Variants in KIAA0586 observed in about 807,000 individuals in gnomAD.
KIAA0586 encodes the protein protein TALPID3.
A neutral mutation model predicts 169.8 loss-of-function variants in KIAA0586; 144 were observed. The observed-to-expected ratio is 0.85, with a 90% CI of 0.74 to 0.97. The LOEUF (loss-of-function observed/expected upper bound fraction) is 0.97, where lower values mean the gene tolerates loss of function less well. Among genes scored for constraint, KIAA0586 ranks in the 50% least tolerant of loss-of-function variants. The pLI, the probability that KIAA0586 is intolerant of heterozygous loss-of-function variation, is 0.00. For missense variants in KIAA0586, 1,854 were observed against 1,823.0 expected, an observed-to-expected ratio of 1.02 and a Z score of -0.31; for synonymous variants, 625 against 612.4, an observed-to-expected ratio of 1.02 and a Z score of -0.30.
intron 5 of KIAA0586, 41 bp from the exon 6 acceptor site, chr14:58,443,913 T>C: frequency 8.4e-7 from 1 of 1,184,872 alleles, no homozygotes; most frequent in Non-Finnish European, 1.2e-6. Flanking sequence ...ATTTTTGGTA[T>C]CCTATAATGT....
intron 9 of KIAA0586, among the ~76,000 whole-genome samples, chr14:58,456,268 A>C (rs142934539): frequency 4.5e-4 from 69 of 152,214 alleles, no homozygotes; most frequent in African/African-American, 1.6e-3. Flanking sequence ...AGAGTCAGCC[A>C]TTTTTCTTGA....
Position 58,468,190 on chromosome 14 carries a change from C to T in KIAA0586, c.2442+268C>T, listed in dbSNP as rs374263642. 6.6e-5 allele frequency among the ~76,000 whole-genome samples: 10 copies of T among 152,174 alleles called. 1 individual carries two copies. Among genetic ancestry groups the T allele is most frequent in the African/African-American group, 9.6e-5 (4 of 41,524 alleles). On this transcript the variant is annotated intron_variant, in intron 16 of 30. Coordinates refer to ENST00000652326, the MANE Select transcript of KIAA0586 (RefSeq NM_001329943.3). ...CCTCCTGAGTAGCTGGGATTACAGGCGCCCGCCACCATGCCCAGCTAATTT... is the reference window on the plus strand; with the variant it reads ...CCTCCTGAGTAGCTGGGATTACAGGTGCCCGCCACCATGCCCAGCTAATTT...
intron 29 of KIAA0586, among the ~76,000 whole-genome samples, chr14:58,535,718 G>A (rs201926153): frequency 7.2e-6 from 1 of 138,610 alleles, no homozygotes; most frequent in Non-Finnish European, 1.6e-5. Context: ...TTTTTTTTTA[G>A]TGAACTCAAA....
chr14:58,553,653 T>G (rs966075314), downstream of KIAA0586, among the ~76,000 whole-genome samples: 1 of 152,040 alleles, frequency 6.6e-6, no homozygotes, highest in Non-Finnish European at 1.5e-5. Context: ...GGCTTGTTGG[T>G]TAGCCTCAAC....
At chr14:58,499,236 T>C (rs538000833) in intron 27 of KIAA0586, among the ~76,000 whole-genome samples, 3 of 152,262 alleles carry the variant, frequency 2.0e-5, no homozygotes, top group Admixed American at 6.5e-5. Context: ...TTAACTGTGA[T>C]ACTTTTATTT....
chr14:58,468,869 G>T (rs538629580), intron 16 of KIAA0586, among the ~76,000 whole-genome samples: 3 of 152,272 alleles, frequency 2.0e-5, no homozygotes, highest in South Asian at 2.1e-4. Flanking sequence ...CTGCTCCAAG[G>T]TTCCTCTTTT....
intron 3 of KIAA0586, among the ~76,000 whole-genome samples, 192 bp downstream of exon 3, chr14:58,430,909 C>T (rs547361654): frequency 2.0e-5 from 3 of 152,148 alleles, no homozygotes; most frequent in Non-Finnish European, 2.9e-5. Flanking sequence ...CATTTTTCAT[C>T]CCCTCAGCCC....
At chr14:58,439,783 A>C in intron 4 of KIAA0586, 2 of 955,124 alleles carry the variant, frequency 2.1e-6, no homozygotes, top group Non-Finnish European at 2.5e-6. Flanking sequence ...AAAGAGGAGT[A>C]AGTTTAAGAG....
chr14:58,555,367 C>T (rs1021648136), downstream of KIAA0586, among the ~76,000 whole-genome samples: 8 of 152,110 alleles, frequency 5.3e-5, no homozygotes. Flanking sequence ...TCCCAAAGTG[C>T]TGGGATTACA....
chr14:58,478,807 T>C (rs2041837785), intron 20 of KIAA0586, among the ~76,000 whole-genome samples: 1 of 152,248 alleles, frequency 6.6e-6, no homozygotes, highest in Non-Finnish European at 1.5e-5. Context: ...TTTTACCTTT[T>C]CTAGAATTTC....
intron 29 of KIAA0586, among the ~76,000 whole-genome samples, chr14:58,535,909 T>G (rs921577869): frequency 6.6e-6 from 1 of 152,130 alleles, no homozygotes; most frequent in African/African-American, 2.4e-5. Flanking sequence ...CCTTATAGTT[T>G]TATGCTGTTT....
At chr14:58,505,898 T>A (rs1237315501) in intron 27 of KIAA0586, among the ~76,000 whole-genome samples, 1 of 152,178 alleles carries the variant, frequency 6.6e-6, no homozygotes, top group Non-Finnish European at 1.5e-5. Flanking sequence ...CCATATAATT[T>A]AAAAATTTAT....
intron 21 of KIAA0586, among the ~76,000 whole-genome samples, chr14:58,483,261 C>T (rs2042160597): frequency 6.6e-6 from 1 of 152,062 alleles, no homozygotes; most frequent in Non-Finnish European, 1.5e-5. Flanking sequence ...GCAGTTCAAA[C>T]CTATGTTTTT....
chr14:58,428,686 A>G (rs2037081761), intron 1 of KIAA0586, among the ~76,000 whole-genome samples: 1 of 113,218 alleles, frequency 8.8e-6, no homozygotes, highest in Admixed American at 9.4e-5. Context: ...TTTTTTTTGC[A>G]TTGACTTTTG....
chr14:58,492,394 C>A (rs938744009), intron 26 of KIAA0586, 119 bp downstream of exon 26: 18 of 733,768 alleles, frequency 2.5e-5, no homozygotes, highest in African/African-American at 3.6e-5. Context: ...GTCAGTGTTA[C>A]AGCAACTTTA....
At chr14:58,434,548 C>G (rs1304578518) in intron 4 of KIAA0586, among the ~76,000 whole-genome samples, 2 of 152,154 alleles carry the variant, frequency 1.3e-5, no homozygotes, top group African/African-American at 4.8e-5. Flanking sequence ...GTATCAACAC[C>G]TAACAATTAG....
Position 58,479,898 on chromosome 14 carries a change from C to G in KIAA0586, c.2945-2615C>G, listed in dbSNP as rs79983927. 6.4e-4 allele frequency among the ~76,000 whole-genome samples: 98 copies of G among 152,250 alleles called. No individual in the cohort carries two copies. In the East Asian group the frequency reaches 0.013, roughly 21 times the overall value. ...CTGTCTCATTCACCTGTAAGTTATA[C>G]TAATACCATACTTCTTGATTACTGT... On this transcript the variant is annotated intron_variant, in intron 20 of 30. Coordinates refer to ENST00000652326, the MANE Select transcript of KIAA0586 (RefSeq NM_001329943.3).
At chr14:58,471,256 A>G (rs1437985434) in intron 17 of KIAA0586, among the ~76,000 whole-genome samples, 1 of 140,610 alleles carries the variant, frequency 7.1e-6, no homozygotes, top group African/African-American at 2.6e-5. Context: ...TGGTAATTTA[A>G]GTTGTGAAAC....
intron 6 of KIAA0586, among the ~76,000 whole-genome samples, chr14:58,447,302 C>G (rs1440447562): frequency 6.6e-6 from 1 of 152,002 alleles, no homozygotes; most frequent in African/African-American, 2.4e-5. Context: ...GATTATTACT[C>G]ATTGCATGCC....
Sources: gnomAD v4.1 joint callset for allele counts (sites outside exome capture counted in the v4.1 genomes callset) on GRCh38, gnomAD v4.1.1 for gene constraint, MANE v1.5 for transcripts, NCBI Gene and HGNC (gene_info 2026-07-23, HGNC 2026-07-21) for gene names.